Variants in SDK1 observed in about 807,000 individuals in gnomAD.
The protein encoded by SDK1 is protein sidekick-1.
Under a neutral mutation model 245.5 loss-of-function variants are expected in SDK1, and 157 were observed. That is an observed-to-expected ratio of 0.64 (90% CI 0.56 to 0.73). The LOEUF (loss-of-function observed/expected upper bound fraction) is 0.73, where lower values mean the gene tolerates loss of function less well. Ranked by LOEUF, SDK1 falls within the 30% of genes least tolerant of loss-of-function variation. The probability of loss-of-function intolerance (pLI) is 0.00; values close to 1 mark genes in which losing one functional copy is unlikely to be tolerated. For missense variants in SDK1, 3,583 were observed against 3,002.3 expected (o/e 1.19, Z -4.52); for synonymous variants, 1,647 against 1,278.5 (o/e 1.29, Z -6.15).
chr7:3,923,401 G>A (rs901967169), intron 5 of SDK1, among the ~76,000 whole-genome samples: 25 of 152,156 alleles, frequency 1.6e-4, no homozygotes, highest in African/African-American at 4.3e-4. Flanking sequence ...GGTTTGTTAC[G>A]GGGCTAAAGG....
chr7:3,979,028 C>G (rs1402403352), intron 13 of SDK1, among the ~76,000 whole-genome samples: 1 of 152,218 alleles, frequency 6.6e-6, no homozygotes, highest in Non-Finnish European at 1.5e-5. Context: ...GGCCCCCACA[C>G]CCACATCACA....
intron 5 of SDK1, among the ~76,000 whole-genome samples, chr7:3,876,190 C>A (rs1318407681): frequency 6.6e-6 from 1 of 152,206 alleles, no homozygotes; most frequent in African/African-American, 2.4e-5. Flanking sequence ...TCACGCTTGA[C>A]TTGAAGTGAA....
intron 23 of SDK1, among the ~76,000 whole-genome samples, chr7:4,111,518 AGTT>A (rs1176705963): frequency 6.6e-6 from 1 of 150,528 alleles, no homozygotes; most frequent in African/African-American, 2.5e-5. Context: ...ACAAAACCAA[AGTT>A]AGAGTTAAAA....
At chr7:3,807,148 C>A (rs1194146873) in intron 4 of SDK1, among the ~76,000 whole-genome samples, 1 of 152,192 alleles carries the variant, frequency 6.6e-6, no homozygotes, top group Non-Finnish European at 1.5e-5. Context: ...TCTACCCCAT[C>A]CCCAAAGGAA....
intron 10 of SDK1, among the ~76,000 whole-genome samples, chr7:3,967,740 T>A (rs1486526480): frequency 6.6e-6 from 1 of 152,032 alleles, no homozygotes; most frequent in African/African-American, 2.4e-5. Context: ...CACTGGAGGG[T>A]GTGCGTTCCT....
rs184228899 is a variant in SDK1, at chr7:4,017,056, T to G, written c.2421-115T>G. 1.3e-4 allele frequency: 126 copies of G among 997,044 alleles called. No individual in the cohort carries two copies. In the African/African-American group the frequency reaches 1.6e-3, roughly 13 times the overall value. The allele number at this position is 997,044 out of a possible 1,614,324, so 61.8% of individuals were successfully genotyped here. Reference sequence around the variant, plus strand: ...TATTGTTTAGGGCTGACCTCTCAGCTCTGCTCTTGATTATTTACTTCCATT... The same window carrying G: ...TATTGTTTAGGGCTGACCTCTCAGCGCTGCTCTTGATTATTTACTTCCATT... On this transcript the variant is annotated intron_variant, in intron 16 of 44. Coordinates refer to ENST00000404826, the MANE Select transcript of SDK1 (RefSeq NM_152744.4).
At chr7:3,785,808 G>A (rs529291276) in intron 4 of SDK1, among the ~76,000 whole-genome samples, 42 of 152,296 alleles carry the variant, frequency 2.8e-4, no homozygotes, top group African/African-American at 9.4e-4. Flanking sequence ...CATGACAGAT[G>A]CAGATCTTGG....
intron 30 of SDK1, among the ~76,000 whole-genome samples, chr7:4,153,219 C>T (rs1268695112): frequency 1.3e-5 from 2 of 150,402 alleles, no homozygotes; most frequent in African/African-American, 4.9e-5. Context: ...ACGGCCCTAG[C>T]TCCTTTTGAC....
intron 2 of SDK1, among the ~76,000 whole-genome samples, chr7:3,628,627 A>G (rs2880085): frequency 0.28 from 43,080 of 152,080 alleles, 6,511 homozygotes; most frequent in Non-Finnish European, 0.34. Flanking sequence ...TTCTAGAACT[A>G]TTGTCTAATT....
intron 4 of SDK1, among the ~76,000 whole-genome samples, chr7:3,719,213 A>G (rs897371950): frequency 1.3e-5 from 2 of 151,442 alleles, no homozygotes; most frequent in African/African-American, 2.4e-5. Flanking sequence ...AAAAAATCAG[A>G]GAGACTTTGG....
chr7:3,752,102 G>T (rs1264323734), intron 4 of SDK1, among the ~76,000 whole-genome samples: 1 of 152,162 alleles, frequency 6.6e-6, no homozygotes, highest in East Asian at 1.9e-4. Flanking sequence ...CTAAGTTACT[G>T]CCTGTATTAT....
intron 17 of SDK1, among the ~76,000 whole-genome samples, chr7:4,040,181 T>G (rs1223435379): frequency 6.6e-6 from 1 of 152,176 alleles, no homozygotes; most frequent in Admixed American, 6.5e-5. Flanking sequence ...GTGTTCTGAT[T>G]GGATCTTGCA....
chr7:3,988,004 C>T (rs926858566), intron 14 of SDK1, among the ~76,000 whole-genome samples: 7 of 152,072 alleles, frequency 4.6e-5, no homozygotes, highest in African/African-American at 1.7e-4. Flanking sequence ...TCCTTGATGA[C>T]TCGAACATTT....
chr7:3,405,680 A>T (rs1375062229), intron 1 of SDK1, among the ~76,000 whole-genome samples: 1 of 152,188 alleles, frequency 6.6e-6, no homozygotes, highest in Non-Finnish European at 1.5e-5. Flanking sequence ...CTTTAGCAAT[A>T]GAGCTGACAC....
At chr7:4,201,388 A>C (rs914779086) in intron 35 of SDK1, among the ~76,000 whole-genome samples, 1 of 152,246 alleles carries the variant, frequency 6.6e-6, no homozygotes, top group Non-Finnish European at 1.5e-5. Context: ...ATAGTTCCTT[A>C]GGAAATCAGA....
At chr7:3,597,383 C>T (rs1314423549) in intron 1 of SDK1, among the ~76,000 whole-genome samples, 2 of 151,788 alleles carry the variant, frequency 1.3e-5, no homozygotes, top group Non-Finnish European at 2.9e-5. Flanking sequence ...TCCATTTTCA[C>T]ATCACTCTTT....
chr7:3,872,312 A>G (rs1390321701), intron 5 of SDK1, among the ~76,000 whole-genome samples: 1 of 152,184 alleles, frequency 6.6e-6, no homozygotes, highest in East Asian at 1.9e-4. Context: ...CTAGTCTCAT[A>G]AAATGAGAAG....
At chr7:3,346,987 T>C (rs1281687286) in intron 1 of SDK1, among the ~76,000 whole-genome samples, 1 of 151,202 alleles carries the variant, frequency 6.6e-6, no homozygotes, top group Non-Finnish European at 1.5e-5. Context: ...GAATTATTTA[T>C]TCTCCTCCTT....
intron 5 of SDK1, among the ~76,000 whole-genome samples, chr7:3,910,470 G>T (rs1292775823): frequency 6.6e-6 from 1 of 152,116 alleles, no homozygotes; most frequent in Non-Finnish European, 1.5e-5. Flanking sequence ...GGGCATCTGT[G>T]TCCTTAGCAT....
Sources: gnomAD v4.1 joint callset for allele counts (sites outside exome capture counted in the v4.1 genomes callset) on GRCh38, gnomAD v4.1.1 for gene constraint, MANE v1.5 for transcripts, NCBI Gene and HGNC (gene_info 2026-07-23, HGNC 2026-07-21) for gene names.